The following GRM7 variants were observed in gnomAD, a reference collection of about 807,000 sequenced individuals.
The protein encoded by GRM7 is glutamate metabotropic receptor 7, also known as metabotropic glutamate receptor 7.
GRM7 carries 35 observed loss-of-function variants against 84.5 expected under a neutral mutation model. That is an observed-to-expected ratio of 0.41 (90% CI 0.32 to 0.55). GRM7 has a LOEUF of 0.55. Among genes scored for constraint, GRM7 ranks in the 20% least tolerant of loss-of-function variants. The pLI is 0.19. For missense variants in GRM7, 1,003 were observed against 1,194.6 expected (o/e 0.84, Z 2.36); for synonymous variants, 487 against 455.1 (o/e 1.07, Z -0.89).
intron 1 of GRM7, among the ~76,000 whole-genome samples, chr3:7,039,085 A>T (rs185224118): frequency 6.6e-6 from 1 of 152,318 alleles, no homozygotes; most frequent in East Asian, 1.9e-4. Context: ...CCACTGCTTT[A>T]TACCTACTAC....
At chr3:7,628,044 T>C (rs1234873015) in intron 8 of GRM7, among the ~76,000 whole-genome samples, 1 of 152,168 alleles carries the variant, frequency 6.6e-6, no homozygotes, top group African/African-American at 2.4e-5. Context: ...TGCAAACTCA[T>C]GCCCCTTTCC....
chr3:7,346,883 T>C (rs186200394), intron 4 of GRM7, among the ~76,000 whole-genome samples: 1 of 152,254 alleles, frequency 6.6e-6, no homozygotes, highest in Admixed American at 6.5e-5. Flanking sequence ...TACCACAAGA[T>C]TGTGTATCTG....
chr3:7,114,611 C>G (rs937955432), intron 1 of GRM7, among the ~76,000 whole-genome samples: 2 of 152,108 alleles, frequency 1.3e-5, no homozygotes, highest in Non-Finnish European at 2.9e-5. Flanking sequence ...GAAATAAACG[C>G]ACAGGTCCAA....
chr3:7,118,412 A>G (rs1328555220), intron 1 of GRM7, among the ~76,000 whole-genome samples: 1 of 151,074 alleles, frequency 6.6e-6, no homozygotes, highest in African/African-American at 2.4e-5. Context: ...TATAAATGGA[A>G]AAAATGAATA....
chr3:7,126,701 TGTC>T (rs1303316669), intron 1 of GRM7, among the ~76,000 whole-genome samples: 1 of 152,208 alleles, frequency 6.6e-6, no homozygotes, highest in African/African-American at 2.4e-5. Context: ...AATGTGTTGT[TGTC>T]GTGAGAAACC....
intron 2 of GRM7, among the ~76,000 whole-genome samples, chr3:7,156,417 C>A (rs1038335317): frequency 2.0e-5 from 3 of 152,136 alleles, no homozygotes; most frequent in Non-Finnish European, 4.4e-5. Flanking sequence ...ATTCGCTTAG[C>A]CTTAGATGAC....
intron 7 of GRM7, among the ~76,000 whole-genome samples, chr3:7,483,233 CTAAT>C (rs1699200721): frequency 1.3e-5 from 2 of 152,108 alleles, no homozygotes; most frequent in South Asian, 2.1e-4. Flanking sequence ...CAGTGATAAA[CTAAT>C]AAATAAATAA....
chr3:7,472,607 T>C (rs1350752709), intron 7 of GRM7, among the ~76,000 whole-genome samples: 1 of 152,162 alleles, frequency 6.6e-6, no homozygotes, highest in Non-Finnish European at 1.5e-5. Context: ...TCAGGGTCCT[T>C]GCAGATGGCA....
At chr3:7,026,422 C>G (rs938043879) in intron 1 of GRM7, among the ~76,000 whole-genome samples, 1 of 152,212 alleles carries the variant, frequency 6.6e-6, no homozygotes, top group Non-Finnish European at 1.5e-5. Flanking sequence ...CCATCACTTA[C>G]TCTTGATTAT....
intron 1 of GRM7, among the ~76,000 whole-genome samples, chr3:6,975,931 T>C (rs887481513): frequency 6.6e-6 from 1 of 152,126 alleles, no homozygotes; most frequent in African/African-American, 2.4e-5. Context: ...GAACATGTGA[T>C]CAGAATCAAG....
At chr3:6,946,991 T>C (rs990966333) in intron 1 of GRM7, among the ~76,000 whole-genome samples, 3 of 152,222 alleles carry the variant, frequency 2.0e-5, no homozygotes, top group Non-Finnish European at 4.4e-5. Context: ...AATCATGTCA[T>C]CTGCAAACAG....
At chr3:7,291,528 C>G (rs867526459) in intron 2 of GRM7, among the ~76,000 whole-genome samples, 1 of 111,868 alleles carries the variant, frequency 8.9e-6, no homozygotes, top group Non-Finnish European at 1.8e-5. Context: ...CTCTCTCTCT[C>G]TCTCTCTCTC....
At chr3:6,948,162 A>G (rs191859465) in intron 1 of GRM7, among the ~76,000 whole-genome samples, 13,577 of 147,582 alleles carry the variant, frequency 0.092, 640 homozygotes, top group Middle Eastern at 0.12. Context: ...TGTCAATTTT[A>G]GATCTTTCTG....
At chr3:7,228,720 G>C (rs1203315985) in intron 2 of GRM7, among the ~76,000 whole-genome samples, 3 of 152,194 alleles carry the variant, frequency 2.0e-5, no homozygotes, top group Non-Finnish European at 4.4e-5. Context: ...TTGGAATCAA[G>C]TGTTGTGGGT....
At chr3:7,129,192 C>T (rs1693507612) in intron 1 of GRM7, among the ~76,000 whole-genome samples, 1 of 152,184 alleles carries the variant, frequency 6.6e-6, no homozygotes, top group African/African-American at 2.4e-5. Flanking sequence ...CATTTGCTAC[C>T]TGTGATCAAC....
At chr3:6,962,043 G>C (rs541644690) in intron 1 of GRM7, among the ~76,000 whole-genome samples, 1 of 152,220 alleles carries the variant, frequency 6.6e-6, no homozygotes, top group South Asian at 2.1e-4. Context: ...TTAATTCACT[G>C]CAACTGAGGT....
intron 1 of GRM7, among the ~76,000 whole-genome samples, chr3:7,051,765 G>A (rs1697009640): frequency 6.6e-6 from 1 of 151,726 alleles, no homozygotes; most frequent in African/African-American, 2.4e-5. Context: ...GTATTCTGCA[G>A]TAGTTCCTAT....
chr3:7,228,890 C>T (rs537512487), intron 2 of GRM7, among the ~76,000 whole-genome samples: 1 of 152,278 alleles, frequency 6.6e-6, no homozygotes, highest in South Asian at 2.1e-4. Flanking sequence ...AAGATGTGGT[C>T]AACCACCAGT....
chr3:7,398,546 C>A (rs1006798802), intron 4 of GRM7, among the ~76,000 whole-genome samples: 1 of 151,700 alleles, frequency 6.6e-6, no homozygotes, highest in African/African-American at 2.4e-5. Context: ...TGGTAGCCTA[C>A]GTATGGAAAA....
Sources: gnomAD v4.1 joint callset for allele counts (sites outside exome capture counted in the v4.1 genomes callset) on GRCh38, gnomAD v4.1.1 for gene constraint, MANE v1.5 for transcripts, NCBI Gene and HGNC (gene_info 2026-07-23, HGNC 2026-07-21) for gene names.